The following XRCC1 variants were observed in gnomAD, a reference collection of about 807,000 sequenced individuals.
XRCC1 encodes X-ray repair cross complementing 1.
A neutral mutation model predicts 83.3 loss-of-function variants in XRCC1; 52 were observed. That is an observed-to-expected ratio of 0.62 (90% CI 0.50 to 0.79). The LOEUF (loss-of-function observed/expected upper bound fraction) is 0.79. Among genes scored for constraint, XRCC1 ranks in the 30% least tolerant of loss-of-function variants. XRCC1 has a pLI of 0.00. For missense variants in XRCC1, 793 were observed against 823.5 expected, an observed-to-expected ratio of 0.96 and a Z score of 0.45; for synonymous variants, 281 against 312.6, an observed-to-expected ratio of 0.90 and a Z score of 1.07.
intron 4 of XRCC1, 77 bp downstream of exon 4, chr19:43,554,569 T>C (rs540044655): frequency 1.3e-4 from 202 of 1,508,954 alleles, no homozygotes; most frequent in Non-Finnish European, 1.8e-4. Flanking sequence ...CCCAGCCCTA[T>C]GGGACTCAAT....
intron 2 of XRCC1, among the ~76,000 whole-genome samples, chr19:43,571,033 G>A (rs760112138): frequency 6.6e-6 from 1 of 152,172 alleles, no homozygotes; most frequent in Non-Finnish European, 1.5e-5. Flanking sequence ...TGTCAACATG[G>A]AGCCAGCAGG....
intron 10 of XRCC1, among the ~76,000 whole-genome samples, chr19:43,551,357 GCAGGCTTCA>G (rs1483390747): frequency 3.0e-4 from 46 of 152,292 alleles, no homozygotes; most frequent in African/African-American, 1.1e-3. Context: ...TTTCTGATAA[GCAGGCTTCA>G]CAGAGCCCTC....
At chr19:43,559,754 C>T (rs188097167) in intron 3 of XRCC1, among the ~76,000 whole-genome samples, 3 of 151,904 alleles carry the variant, frequency 2.0e-5, no homozygotes, top group African/African-American at 2.4e-5. Flanking sequence ...CTGGATTATC[C>T]GGGTAGGCCA....
At chr19:43,565,640 A>AT (rs1266465122) in intron 2 of XRCC1, among the ~76,000 whole-genome samples, 18 of 152,254 alleles carry the variant, frequency 1.2e-4, no homozygotes, top group African/African-American at 4.3e-4. Flanking sequence ...TTCTTTGTAT[A>AT]TAAAAAAAGT....
At chr19:43,544,624 A>G (rs1377460143) in intron 14 of XRCC1, among the ~76,000 whole-genome samples, 1 of 151,368 alleles carries the variant, frequency 6.6e-6, no homozygotes, top group African/African-American at 2.4e-5. Flanking sequence ...CTCCCATCTC[A>G]GCCTCCCCAG....
intron 2 of XRCC1, among the ~76,000 whole-genome samples, chr19:43,561,600 A>C (rs1972699557): frequency 6.6e-6 from 1 of 152,248 alleles, no homozygotes. Context: ...TAATGGCCAC[A>C]GGGCATGGCG....
chr19:43,557,823 A>G (rs1391830320), intron 3 of XRCC1, among the ~76,000 whole-genome samples: 2 of 137,714 alleles, frequency 1.5e-5, no homozygotes, highest in Admixed American at 7.3e-5. Flanking sequence ...AAAAAAAGGA[A>G]GGAGGGAGGG....
intron 15 of XRCC1, 114 bp from the exon 16 acceptor site, chr19:43,543,801 A>G (rs530586265): frequency 1.0e-6 from 1 of 967,686 alleles, no homozygotes; most frequent in East Asian, 2.5e-5. Context: ...ATGCGCCTCT[A>G]GGTTGCCTCT....
In XRCC1 at chr19:43,548,779, A is replaced by AAAAAAAAAAAAAAAAAAAAAAAAAAAC. The variant is rs1213062759; in HGVS notation, c.1200-1803_1200-1802insGTTTTTTTTTTTTTTTTTTTTTTTTTT. Among the ~76,000 whole-genome samples, 79 of 141,648 alleles carry AAAAAAAAAAAAAAAAAAAAAAAAAAAC rather than the reference A, an allele frequency of 5.6e-4. 1 individual carries two copies. The highest frequency in any genetic ancestry group is 4.5e-3 in the Middle Eastern group (1 of 222). 92.9% of individuals were successfully genotyped at this position (141,648 alleles called of 152,430 possible). ...CCCAAGAATGATCAAAAAAAAAAAA[A>AAAAAAAAAAAAAAAAAAAAAAAAAAAC]AAAAAAACACAACAGTAGCAGGTTG... On this transcript the variant is annotated intron_variant, in intron 10 of 16. Coordinates refer to ENST00000262887, the MANE Select transcript of XRCC1 (RefSeq NM_006297.3).
chr19:43,553,438 C>T lies in XRCC1; in HGVS notation c.564G>A (p.Gly188=), dbSNP rs969474147. 5 of 1,614,052 alleles carry T rather than the reference C, an allele frequency of 3.1e-6. No individual in the cohort carries two copies. The Admixed American group carries it at 8.3e-5, about 27-fold the overall frequency. Residue 188 remains glycine (G), a synonymous_variant, in exon 6 of 17, where the codon GGG becomes GGA. Transcript: ENST00000262887. Reference sequence around the variant, plus strand: ...TGTTGATCCGGCTGAAGAAGAGAGCCCCCGGCCTCAGAGAGTTGGCGCTCT... The same window carrying T: ...TGTTGATCCGGCTGAAGAAGAGAGCTCCCGGCCTCAGAGAGTTGGCGCTCT... ...EDESANSLRP[G]ALFFSRINKT...
chr19:43,559,598 G>A (rs958512762), intron 3 of XRCC1, among the ~76,000 whole-genome samples: 7 of 149,114 alleles, frequency 4.7e-5, no homozygotes, highest in African/African-American at 1.7e-4. Context: ...TCTAAAAATA[G>A]AAAGCTTCTA....
intron 9 of XRCC1, 91 bp from the exon 10 acceptor site, chr19:43,551,778 G>C: frequency 2.9e-6 from 3 of 1,025,942 alleles, no homozygotes; most frequent in Non-Finnish European, 3.0e-6. Flanking sequence ...GAGAGAGAGA[G>C]ACAGACAGAC....
Position 43,552,896 on chromosome 19 carries a change from G to C in XRCC1, c.724C>G (p.Pro242Ala). 1 of 1,613,356 alleles carries C rather than the reference G, an allele frequency of 6.2e-7. No homozygotes were observed. Among genetic ancestry groups the C allele is most frequent in the East Asian group, 2.2e-5 (1 of 44,880 alleles). The change falls in exon 8 of 17, where the codon CCC becomes GCC. Residue 242 changes from proline to alanine, a missense_variant. Transcript: ENST00000262887. ...IGSTSKPQES[P>A]KGKRKLDLNQ... ...AAATCCAACTTCCTCTTCCCTTTGG[G>C]AGACTCCTGGGGCTGAGGGGATGGG...
intron 10 of XRCC1, among the ~76,000 whole-genome samples, chr19:43,548,066 G>A (rs866490925): frequency 1.1e-4 from 16 of 149,188 alleles, no homozygotes; most frequent in South Asian, 1.1e-3. Flanking sequence ...CCGCCCCGTC[G>A]GGGGGGAGGT....
intron 3 of XRCC1, among the ~76,000 whole-genome samples, chr19:43,559,663 T>C (rs60175550): frequency 0.036 from 5,433 of 152,210 alleles, 166 homozygotes; most frequent in African/African-American, 0.086. Flanking sequence ...GTTTACATCC[T>C]AATCCCTGAA....
intron 2 of XRCC1, among the ~76,000 whole-genome samples, chr19:43,572,163 C>G (rs980583715): frequency 6.6e-6 from 1 of 152,202 alleles, no homozygotes; most frequent in Non-Finnish European, 1.5e-5. Context: ...TCTTCTGCCT[C>G]CAGTCACTCT....
intron 10 of XRCC1, among the ~76,000 whole-genome samples, chr19:43,550,301 G>A (rs932814983): frequency 4.0e-5 from 6 of 151,560 alleles, no homozygotes; most frequent in African/African-American, 7.3e-5. Context: ...AAAAAAGTCC[G>A]CAAATAGCCT....
chr19:43,544,419 T>C (rs917253100), intron 14 of XRCC1, among the ~76,000 whole-genome samples, 185 bp from the exon 15 acceptor site: 3 of 152,018 alleles, frequency 2.0e-5, no homozygotes, highest in Admixed American at 6.6e-5. Flanking sequence ...GGTTGGTTGG[T>C]TGGTTGGTTT....
At position 43,562,099 on chromosome 19, in the gene XRCC1, T is replaced by C. The variant is rs186743779; in HGVS notation, c.145-1079A>G. Among the ~76,000 whole-genome samples the C allele has an allele frequency of 2.5e-3, 347 of 140,970 alleles. 4 individuals are homozygous for C. The highest frequency in any genetic ancestry group is 0.018 in the South Asian group (82 of 4,470). 92.5% of individuals were successfully genotyped at this position (140,970 alleles called of 152,430 possible). A position where few individuals can be genotyped will look rare whatever the true frequency, so the allele number is the denominator to read the frequency against. On this transcript the variant is annotated intron_variant, in intron 2 of 16. Coordinates refer to ENST00000262887, the MANE Select transcript of XRCC1 (RefSeq NM_006297.3). ...AGGCAGAGGTTTCAGTAAGCAGAGATCATGCCACTGCACTCCAGCCTGGGT... is the reference window on the plus strand; with the variant it reads ...AGGCAGAGGTTTCAGTAAGCAGAGACCATGCCACTGCACTCCAGCCTGGGT...
Sources: gnomAD v4.1 joint callset for allele counts (sites outside exome capture counted in the v4.1 genomes callset) on GRCh38, gnomAD v4.1.1 for gene constraint, MANE v1.5 for transcripts, NCBI Gene and HGNC (gene_info 2026-07-23, HGNC 2026-07-21) for gene names.